CFAP299: variants seen among roughly 807,000 people sequenced by gnomAD.
The protein encoded by CFAP299 is cilia- and flagella-associated protein 299.
CFAP299 carries 21 observed loss-of-function variants against 27.0 expected under a neutral mutation model. That is an observed-to-expected ratio of 0.78 (90% CI 0.55 to 1.12). The LOEUF is 1.12. Among genes scored for constraint, CFAP299 ranks in the 50% most tolerant of loss-of-function variants. CFAP299 has a pLI of 0.00. For missense variants in CFAP299, 310 were observed against 276.6 expected (o/e 1.12, Z -0.86); for synonymous variants, 104 against 98.1 (o/e 1.06, Z -0.36).
chr4:80,709,901 A>G (rs35308242), intron 3 of CFAP299, among the ~76,000 whole-genome samples: 13,569 of 152,218 alleles, frequency 0.089, 664 homozygotes, highest in Middle Eastern at 0.2. Flanking sequence ...TTTAAAAAGT[A>G]ATATGAATTT....
intron 3 of CFAP299, among the ~76,000 whole-genome samples, chr4:80,704,084 T>C (rs1386728481): frequency 6.6e-6 from 1 of 151,612 alleles, no homozygotes; most frequent in Non-Finnish European, 1.5e-5. Flanking sequence ...GATTGTATCA[T>C]CTGGGAAAAG....
intron 3 of CFAP299, among the ~76,000 whole-genome samples, chr4:80,711,185 G>T (rs13113991): frequency 6.6e-6 from 1 of 152,314 alleles, no homozygotes; most frequent in Non-Finnish European, 1.5e-5. Context: ...CATGCCCAGA[G>T]AGAGAAAGAG....
chr4:80,773,076 G>A (rs193226435), intron 3 of CFAP299, among the ~76,000 whole-genome samples: 2 of 152,208 alleles, frequency 1.3e-5, no homozygotes, highest in African/African-American at 4.8e-5. Flanking sequence ...GGATAAAGCT[G>A]GAAGCCATCA....
chr4:80,417,737 C>T (rs575521280), intron 2 of CFAP299, among the ~76,000 whole-genome samples: 8 of 152,226 alleles, frequency 5.3e-5, no homozygotes, highest in Admixed American at 5.2e-4. Flanking sequence ...GATTGTAATG[C>T]CCCACTATTC....
rs773233248 is a variant in CFAP299, at chr4:80,581,877, C to T, written c.243-1216C>T. On this transcript the variant is annotated intron_variant, in intron 2 of 5. Coordinates refer to ENST00000358105, the MANE Select transcript of CFAP299 (RefSeq NM_152770.3). The stretch of plus-strand genomic sequence containing the variant: ...CTTGCATTAGACCCTTTTGGTTCAA[C>T]GCTTTCTGGTAGCATGAGCACACAA... Among the ~76,000 whole-genome samples the T allele has an allele frequency of 1.1e-4, 17 of 151,806 alleles. No individual in the cohort carries two copies. In the East Asian group the frequency reaches 1.4e-3, roughly 12 times the overall value.
At chr4:80,859,067 G>A (rs1169603732) in intron 3 of CFAP299, among the ~76,000 whole-genome samples, 2 of 152,152 alleles carry the variant, frequency 1.3e-5, no homozygotes, top group South Asian at 2.1e-4. Context: ...AGGTCACTCA[G>A]GAGTTGCTTT....
chr4:80,439,745 G>T (rs932797419), intron 2 of CFAP299, among the ~76,000 whole-genome samples: 1 of 152,156 alleles, frequency 6.6e-6, no homozygotes, highest in African/African-American at 2.4e-5. Flanking sequence ...AAGTGGTCTT[G>T]TTCAGCAGGT....
intron 3 of CFAP299, among the ~76,000 whole-genome samples, chr4:80,683,869 G>C (rs879833828): frequency 6.6e-6 from 1 of 152,162 alleles, no homozygotes; most frequent in Non-Finnish European, 1.5e-5. Flanking sequence ...AAATGCTTAC[G>C]TGTTATCAAA....
chr4:80,687,780 G>C (rs1364235228), intron 3 of CFAP299, among the ~76,000 whole-genome samples: 1 of 152,160 alleles, frequency 6.6e-6, no homozygotes, highest in Admixed American at 6.5e-5. Flanking sequence ...GAGGTACCGG[G>C]TTCATCTCAC....
chr4:80,552,645 G>T (rs1734580955), intron 2 of CFAP299, among the ~76,000 whole-genome samples: 1 of 152,152 alleles, frequency 6.6e-6, no homozygotes, highest in Non-Finnish European at 1.5e-5. Context: ...ACTTTACAAA[G>T]ATTTAAATAT....
At chr4:80,554,289 A>T (rs1382895918) in intron 2 of CFAP299, among the ~76,000 whole-genome samples, 1 of 152,092 alleles carries the variant, frequency 6.6e-6, no homozygotes, top group Non-Finnish European at 1.5e-5. Context: ...TCCAAAGATC[A>T]GATTGTCATA....
chr4:80,691,818 T>C (rs564755906), intron 3 of CFAP299, among the ~76,000 whole-genome samples: 6 of 152,174 alleles, frequency 3.9e-5, no homozygotes, highest in African/African-American at 9.6e-5. Flanking sequence ...CCAAAATCTC[T>C]TTAAGCTGAT....
chr4:80,889,931 A>G (rs185673248), intron 4 of CFAP299, among the ~76,000 whole-genome samples: 58 of 152,232 alleles, frequency 3.8e-4, no homozygotes, highest in African/African-American at 1.2e-3. Flanking sequence ...ACACCTCTTA[A>G]TGATAAGAAT....
Position 80,784,040 on chromosome 4 carries a change from G to T in CFAP299, c.334-85953G>T, listed in dbSNP as rs577863829. The stretch of plus-strand genomic sequence containing the variant: ...TTTCACTTTGCATAAAGTCCTTCAG[G>T]TTCGTCCCTGTTGGGGCAAATGGCA... On this transcript the variant is annotated intron_variant, in intron 3 of 5. Transcript: ENST00000358105. Among the ~76,000 whole-genome samples the T allele has an allele frequency of 8.5e-5, 13 of 152,106 alleles. 1 individual carries two copies. The South Asian group carries it at 1.7e-3, about 19-fold the overall frequency.
intron 4 of CFAP299, among the ~76,000 whole-genome samples, chr4:80,936,143 A>T (rs1310670319): frequency 6.6e-6 from 1 of 152,102 alleles, no homozygotes; most frequent in East Asian, 1.9e-4. Flanking sequence ...CCTATCAAAG[A>T]TGATGATGAG....
At chr4:80,621,152 A>C (rs1738583743) in intron 3 of CFAP299, among the ~76,000 whole-genome samples, 1 of 152,096 alleles carries the variant, frequency 6.6e-6, no homozygotes, top group African/African-American at 2.4e-5. Context: ...AAAAAATAGA[A>C]TTTTGGGGGG....
intron 3 of CFAP299, among the ~76,000 whole-genome samples, chr4:80,772,267 G>A (rs1578109334): frequency 6.6e-6 from 1 of 152,286 alleles, no homozygotes; most frequent in East Asian, 1.9e-4. Context: ...GTAGCTTGGA[G>A]AAAATTGACA....
At chr4:80,550,302 T>A (rs1302173307) in intron 2 of CFAP299, among the ~76,000 whole-genome samples, 4 of 152,104 alleles carry the variant, frequency 2.6e-5, no homozygotes, top group Non-Finnish European at 5.9e-5. Context: ...AACATTTAGT[T>A]AATACTAGTA....
chr4:80,350,128 A>G (rs1359269600), intron 1 of CFAP299, among the ~76,000 whole-genome samples: 1 of 152,190 alleles, frequency 6.6e-6, no homozygotes. Flanking sequence ...GGCAATGTCA[A>G]ACAGTCTAAC....
Sources: gnomAD v4.1 joint callset for allele counts (sites outside exome capture counted in the v4.1 genomes callset) on GRCh38, gnomAD v4.1.1 for gene constraint, MANE v1.5 for transcripts, NCBI Gene and HGNC (gene_info 2026-07-23, HGNC 2026-07-21) for gene names.